Variants in PAGE2B observed in about 807,000 individuals in gnomAD.
The protein encoded by PAGE2B is PAGE family member 2B.
Under a neutral mutation model 7.6 loss-of-function variants are expected in PAGE2B, and 5 were observed. The ratio of observed to expected loss-of-function variants is 0.66; its 90% CI spans 0.34 to 1.38. The LOEUF is 1.38. Among genes scored for constraint, PAGE2B ranks in the 40% most tolerant of loss-of-function variants. The pLI is 0.04. For missense variants in PAGE2B, 70 were observed against 78.4 expected, an observed-to-expected ratio of 0.89 and a Z score of 0.41; for synonymous variants, 29 against 26.7, an observed-to-expected ratio of 1.09 and a Z score of -0.27.
chrX:55,076,161 CAATT>C lies in PAGE2B; in HGVS notation c.84+37_84+40del, dbSNP rs1936510695. On this transcript the variant is annotated intron_variant, in intron 2 of 4. Transcript: ENST00000374971. ...TAACATTTGATGTTTCCTATTAACA[CAATT>C]TATTTTAAGAAATATTTTTGAGCTA... The C allele has an allele frequency of 3.4e-6, 4 of 1,174,426 alleles. No individual in the cohort carries two copies. The African/African-American group carries it at 7.2e-5, about 21-fold the overall frequency.
chrX:55,044,638 A>C, the PAGE2B span: 3 of 111,807 alleles, frequency 2.7e-5, no homozygotes, highest in Non-Finnish European at 5.6e-5. Context: ...AACAAGGAGT[A>C]AGAATTGGAG....
the PAGE2B span, among the ~76,000 whole-genome samples, chrX:55,061,801 C>T: frequency 1.8e-5 from 2 of 111,177 alleles, no homozygotes; most frequent in Non-Finnish European, 3.8e-5. Flanking sequence ...TCCATGAGTT[C>T]AATTATTTTA....
At chrX:55,048,397 G>A in the PAGE2B span, among the ~76,000 whole-genome samples, 302 of 111,678 alleles carry the variant, frequency 2.7e-3, 3 homozygotes, top group African/African-American at 9.6e-3. Context: ...ACCTTGGGAG[G>A]TATGGCCATT....
upstream of PAGE2B, among the ~76,000 whole-genome samples, chrX:55,070,921 G>A (rs1936442511): frequency 9.0e-6 from 1 of 111,052 alleles, no homozygotes; most frequent in Non-Finnish European, 1.9e-5. Context: ...TTGAGCCTAT[G>A]TGTGTCTTTG....
intron 2 of PAGE2B, among the ~76,000 whole-genome samples, chrX:55,076,358 G>GTATATATGTA (rs200528892): frequency 0.046 from 4,872 of 105,967 alleles, 357 homozygotes; most frequent in African/African-American, 0.16. Flanking sequence ...GTGTGTATAT[G>GTATATATGTA]TATATATGTA....
chrX:55,039,991 C>T, the PAGE2B span, among the ~76,000 whole-genome samples: 17 of 109,354 alleles, frequency 1.6e-4, no homozygotes, highest in African/African-American at 2.3e-4. Flanking sequence ...AAGTATATTA[C>T]GTATTAAACA....
chrX:55,073,091 G>A (rs143660771), upstream of PAGE2B, among the ~76,000 whole-genome samples: 105 of 111,194 alleles, frequency 9.4e-4, no homozygotes, highest in East Asian at 0.024. Flanking sequence ...TGTCACACCG[G>A]GTTCCAGGTG....
chrX:55,034,102 C>T, the PAGE2B span, among the ~76,000 whole-genome samples: 6 of 111,870 alleles, frequency 5.4e-5, no homozygotes, highest in African/African-American at 2.0e-4. Context: ...GACATACAGG[C>T]TTTGTTGGGT....
the PAGE2B span, among the ~76,000 whole-genome samples, chrX:55,052,063 C>G: frequency 2.7e-5 from 3 of 112,186 alleles, no homozygotes; most frequent in Non-Finnish European, 5.6e-5. Flanking sequence ...TTGGAGTTTA[C>G]TGGAGGTCCA....
chrX:55,045,374 A>T, the PAGE2B span, among the ~76,000 whole-genome samples: 1 of 111,723 alleles, frequency 9.0e-6, no homozygotes, highest in South Asian at 3.8e-4. Context: ...CGCTATGTTC[A>T]ACCTAGCACT....
the PAGE2B span, among the ~76,000 whole-genome samples, chrX:55,052,136 C>G: frequency 9.0e-6 from 1 of 111,703 alleles, no homozygotes; most frequent in Non-Finnish European, 1.9e-5. Context: ...TATTGGTGAA[C>G]CACAAATGCT....
chrX:55,073,134 G>A (rs1280302844), upstream of PAGE2B, among the ~76,000 whole-genome samples: 1 of 111,585 alleles, frequency 9.0e-6, no homozygotes, highest in African/African-American at 3.3e-5. Flanking sequence ...TAAAACTCCT[G>A]CAACTAGCTC....
At chrX:55,069,255 T>C in the PAGE2B span, among the ~76,000 whole-genome samples, 1 of 112,117 alleles carries the variant, frequency 8.9e-6, no homozygotes, top group African/African-American at 3.2e-5. Context: ...TGCAGGGCTG[T>C]TGAATTTTGT....
the PAGE2B span, among the ~76,000 whole-genome samples, chrX:55,047,848 T>C: frequency 8.9e-6 from 1 of 112,413 alleles, no homozygotes; most frequent in East Asian, 2.8e-4. Flanking sequence ...TTTTGACTTT[T>C]GTTGCCATTG....
chrX:55,064,677 G>C, the PAGE2B span, among the ~76,000 whole-genome samples: 2 of 110,054 alleles, frequency 1.8e-5, no homozygotes, highest in South Asian at 7.7e-4. Context: ...TTTGATATAG[G>C]CACTTACAGT....
chrX:55,030,886 C>A, the PAGE2B span: 2 of 336,952 alleles, frequency 5.9e-6, no homozygotes, highest in Non-Finnish European at 1.2e-5. Context: ...GTGTACAGCC[C>A]TGAGAGACCA....
At chrX:55,030,471 C>T in the PAGE2B span, among the ~76,000 whole-genome samples, 1 of 111,307 alleles carries the variant, frequency 9.0e-6, no homozygotes, top group Non-Finnish European at 1.9e-5. Context: ...TGCTGTCAGC[C>T]CAGCAGGTAG....
the PAGE2B span, among the ~76,000 whole-genome samples, chrX:55,060,569 A>G: frequency 3.6e-5 from 4 of 111,772 alleles, no homozygotes; most frequent in Non-Finnish European, 7.6e-5. Flanking sequence ...CTCATTGTGC[A>G]GGTTGCATCT....
chrX:55,030,552 G>A, the PAGE2B span, among the ~76,000 whole-genome samples: 1 of 111,071 alleles, frequency 9.0e-6, no homozygotes, highest in Non-Finnish European at 1.9e-5. Flanking sequence ...TGATAGAGAG[G>A]AAGAGAGAGA....
Sources: allele counts gnomAD v4.1 joint callset (sites outside exome capture counted in the v4.1 genomes callset), GRCh38; gene constraint gnomAD v4.1.1; transcripts MANE v1.5; gene names NCBI Gene and HGNC (gene_info 2026-07-23, HGNC 2026-07-21).